The following GRM1 variants were observed in gnomAD, a reference collection of about 807,000 sequenced individuals.
GRM1 encodes metabotropic glutamate receptor 1.
In GRM1, 33 loss-of-function variants were observed where a neutral mutation model predicts 90.9. That is an observed-to-expected ratio of 0.36 (90% CI 0.28 to 0.49). The LOEUF is 0.49. Ranked by LOEUF, GRM1 falls within the 20% of genes least tolerant of loss-of-function variation. The pLI is 0.99. For missense variants in GRM1, 1,190 were observed against 1,534.3 expected (o/e 0.78, Z 3.75); for synonymous variants, 700 against 613.2 (o/e 1.14, Z -2.09).
intron 2 of GRM1, among the ~76,000 whole-genome samples, chr6:146,240,150 A>G (rs910391331): frequency 1.3e-5 from 2 of 152,070 alleles, no homozygotes; most frequent in Non-Finnish European, 2.9e-5. Context: ...AGTTGCAAAC[A>G]CGTTGTGAAG....
At chr6:146,075,494 G>A (rs187044316) in intron 1 of GRM1, among the ~76,000 whole-genome samples, 1 of 152,328 alleles carries the variant, frequency 6.6e-6, no homozygotes, top group East Asian at 1.9e-4. Context: ...GGATGATGGG[G>A]AGAACTGGAG....
intron 1 of GRM1, among the ~76,000 whole-genome samples, chr6:146,061,256 C>T (rs979962855): frequency 1.3e-5 from 2 of 152,058 alleles, no homozygotes; most frequent in African/African-American, 4.8e-5. Flanking sequence ...TGAAATACTG[C>T]AAGAATAACC....
intron 1 of GRM1, among the ~76,000 whole-genome samples, chr6:146,130,755 C>T (rs1403197835): frequency 2.6e-5 from 4 of 152,096 alleles, no homozygotes; most frequent in African/African-American, 9.7e-5. Context: ...AAGGTTTTAT[C>T]TGAGTTTAGG....
intron 5 of GRM1, among the ~76,000 whole-genome samples, chr6:146,373,128 C>T (rs1192156632): frequency 3.3e-5 from 5 of 152,060 alleles, no homozygotes; most frequent in Non-Finnish European, 7.4e-5. Context: ...TGGGTGTCCT[C>T]TTCAATTTCT....
chr6:146,204,852 G>C (rs149638694), intron 2 of GRM1, among the ~76,000 whole-genome samples: 273 of 152,274 alleles, frequency 1.8e-3, no homozygotes, highest in African/African-American at 6.4e-3. Context: ...AATGTGTAAG[G>C]CAGGGGCCTT....
chr6:146,409,244 T>A (rs1324328483), intron 7 of GRM1, among the ~76,000 whole-genome samples: 2 of 152,082 alleles, frequency 1.3e-5, no homozygotes, highest in Non-Finnish European at 2.9e-5. Flanking sequence ...GCATGGTGAG[T>A]CTAAGGATAA....
intron 1 of GRM1, among the ~76,000 whole-genome samples, chr6:146,141,310 AT>A (rs955677817): frequency 2.8e-4 from 38 of 138,116 alleles, no homozygotes; most frequent in East Asian, 1.3e-3. Context: ...TGCTTCTAAG[AT>A]TTTTTTTTTG....
Position 146,219,907 on chromosome 6 carries a change from TTG to T in GRM1, c.950+60334_950+60335del, listed in dbSNP as rs113309622. Among the ~76,000 whole-genome samples the T allele has an allele frequency of 4.9e-3, 730 of 147,980 alleles. 2 individuals carry two copies. Among genetic ancestry groups the T allele is most frequent in the East Asian group, 6.9e-3 (35 of 5,062 alleles). ...CTCCAATAAAATGAATCTTGTTGTT[TTG>T]TGTGTGTGTGTGTGTGTGTGTGTAT... is the stretch of plus-strand genomic sequence containing the variant. On this transcript the variant is annotated intron_variant, in intron 2 of 7. Transcript: ENST00000282753.
chr6:146,286,833 A>T (rs1242554315), intron 2 of GRM1, among the ~76,000 whole-genome samples: 1 of 152,210 alleles, frequency 6.6e-6, no homozygotes, highest in African/African-American at 2.4e-5. Flanking sequence ...AAATGTCTTA[A>T]AACTGACAGC....
chr6:146,400,342 G>A (rs1167245810), intron 7 of GRM1, among the ~76,000 whole-genome samples: 1 of 151,866 alleles, frequency 6.6e-6, no homozygotes, highest in Non-Finnish European at 1.5e-5. Context: ...ACATGAATTG[G>A]GTCATCTCTG....
chr6:146,096,583 C>G (rs1020477904), intron 1 of GRM1, among the ~76,000 whole-genome samples: 1 of 152,162 alleles, frequency 6.6e-6, no homozygotes, highest in Non-Finnish European at 1.5e-5. Context: ...TAATCACAAG[C>G]ATAACAAATG....
At chr6:146,088,159 G>A (rs1039637536) in intron 1 of GRM1, among the ~76,000 whole-genome samples, 4 of 151,970 alleles carry the variant, frequency 2.6e-5, no homozygotes, top group African/African-American at 7.3e-5. Flanking sequence ...ATTCACTGAG[G>A]TTTTGATTTG....
At chr6:146,183,481 G>A (rs1778620387) in intron 2 of GRM1, among the ~76,000 whole-genome samples, 1 of 152,140 alleles carries the variant, frequency 6.6e-6, no homozygotes, top group South Asian at 2.1e-4. Flanking sequence ...AGTGACGGAG[G>A]TAGAGGAGAT....
At chr6:146,337,638 C>T (rs767028902) in intron 3 of GRM1, among the ~76,000 whole-genome samples, 18 of 152,170 alleles carry the variant, frequency 1.2e-4, no homozygotes, top group Non-Finnish European at 2.6e-4. Context: ...CCAGCTTCTT[C>T]CCTGCCAGGA....
intron 2 of GRM1, among the ~76,000 whole-genome samples, chr6:146,270,779 A>G (rs1221445949): frequency 1.3e-5 from 2 of 152,020 alleles, no homozygotes; most frequent in Non-Finnish European, 2.9e-5. Flanking sequence ...CTAATTGCAG[A>G]GTTTTTAATA....
At chr6:146,207,856 T>C (rs1193177628) in intron 2 of GRM1, among the ~76,000 whole-genome samples, 1 of 152,192 alleles carries the variant, frequency 6.6e-6, no homozygotes, top group East Asian at 1.9e-4. Context: ...AAAATGGGGT[T>C]TGTAATATTT....
At chr6:146,385,750 A>G (rs1395995460) in intron 5 of GRM1, among the ~76,000 whole-genome samples, 1 of 152,048 alleles carries the variant, frequency 6.6e-6, no homozygotes, top group East Asian at 1.9e-4. Flanking sequence ...AAGGGTCTAT[A>G]AAATAAATAT....
intron 2 of GRM1, among the ~76,000 whole-genome samples, chr6:146,189,750 T>C (rs1264397696): frequency 6.6e-6 from 1 of 152,324 alleles, no homozygotes; most frequent in East Asian, 1.9e-4. Flanking sequence ...AGCAGCGTCA[T>C]GGCTCTCTCC....
chr6:146,027,878 T>C (rs1201901955), upstream of GRM1: 1 of 152,546 alleles, frequency 6.6e-6, no homozygotes, highest in Non-Finnish European at 1.5e-5. Context: ...GCAGACAAAG[T>C]CCCAGTCTAT....
Sources: gnomAD v4.1 joint callset for allele counts (sites outside exome capture counted in the v4.1 genomes callset) on GRCh38, gnomAD v4.1.1 for gene constraint, MANE v1.5 for transcripts, NCBI Gene and HGNC (gene_info 2026-07-23, HGNC 2026-07-21) for gene names.